ANKRD13C: variants seen among roughly 807,000 people sequenced by gnomAD.
ANKRD13C encodes the protein ankyrin repeat domain 13C.
In ANKRD13C, 16 loss-of-function variants were observed where a neutral mutation model predicts 65.5. The observed-to-expected ratio is 0.24, with a 90% CI of 0.17 to 0.37. The LOEUF (loss-of-function observed/expected upper bound fraction) is 0.37, where lower values mean the gene tolerates loss of function less well. Among genes scored for constraint, ANKRD13C ranks in the 10% least tolerant of loss-of-function variants. The pLI is 1.00. For missense variants in ANKRD13C, 503 were observed against 655.9 expected, an observed-to-expected ratio of 0.77 and a Z score of 2.55; for synonymous variants, 235 against 238.7, an observed-to-expected ratio of 0.98 and a Z score of 0.14.
Position 70,330,190 on chromosome 1 carries a change from T to C in ANKRD13C, c.473-5233A>G, listed in dbSNP as rs538130846. Among the ~76,000 whole-genome samples, 3 of 149,286 alleles carry C rather than the reference T, an allele frequency of 2.0e-5. No individual in the cohort carries two copies. In the East Asian group the frequency reaches 6.5e-4, roughly 33 times the overall value. On this transcript the variant is annotated intron_variant, in intron 2 of 12. Coordinates refer to ENST00000370944, the MANE Select transcript of ANKRD13C (RefSeq NM_030816.5). ...GTAGTTAACAACTAAGCACTAAGGC[T>C]TAAAGAATGCATAAATGTGCCAGGA...
chr1:70,354,695 A>C lies in ANKRD13C; in HGVS notation c.-287T>G. The C allele has an allele frequency of 1.3e-6, 1 of 757,070 alleles. No homozygotes were observed. The highest frequency in any genetic ancestry group is 2.1e-6 in the Non-Finnish European group (1 of 482,618). The allele number at this position is 757,070 out of a possible 1,614,324, so 46.9% of individuals were successfully genotyped here. On this transcript the variant is annotated 5_prime_UTR_variant, in exon 1 of 13. Coordinates refer to ENST00000370944, the MANE Select transcript of ANKRD13C (RefSeq NM_030816.5). ...CGCCGTCGCTGCCTTACACCGAAAA[A>C]CAGGGCACGGCCATCTTCCTCTTGC...
At chr1:70,282,964 CAAGT>C (rs139717788) in intron 9 of ANKRD13C, among the ~76,000 whole-genome samples, 35,333 of 151,828 alleles carry the variant, frequency 0.23, 4,835 homozygotes, top group East Asian at 0.53. Flanking sequence ...ATAACTTTTC[CAAGT>C]AAGTTTCTAC....
chr1:70,321,615 G>A (rs933705275), intron 3 of ANKRD13C, among the ~76,000 whole-genome samples: 13 of 152,088 alleles, frequency 8.5e-5, no homozygotes, highest in African/African-American at 3.1e-4. Context: ...AACCAGAGCT[G>A]TCTCGATCAG....
At position 70,315,510 on chromosome 1, in the gene ANKRD13C, G is replaced by A. The variant is rs1681037354; in HGVS notation, c.634C>T (p.Arg212Ter). 1 of 1,605,284 alleles carries A rather than the reference G, an allele frequency of 6.2e-7. No homozygotes were observed. The highest frequency in any genetic ancestry group is 8.5e-7 in the Non-Finnish European group (1 of 1,174,906). The change falls in exon 4 of 13, where the codon CGA (arginine) becomes TGA (stop). Residue 212 changes from arginine to a stop codon, truncating the protein, a stop_gained. Transcript: ENST00000370944. LOFTEE classifies it high-confidence loss of function. ...TTCAGGGCTTTTAATAATCGAGGTCGTTTTTCTTCAACACTTTCCCTGGAT... is the reference window on the plus strand; with the variant it reads ...TTCAGGGCTTTTAATAATCGAGGTCATTTTTCTTCAACACTTTCCCTGGAT... ...QQSRESVEEK[R>*]PRLLKALKEL...
chr1:70,347,774 A>G (rs937112191), intron 1 of ANKRD13C, among the ~76,000 whole-genome samples: 8 of 152,184 alleles, frequency 5.3e-5, no homozygotes, highest in Non-Finnish European at 8.8e-5. Context: ...CATTCATCTA[A>G]TAATGAAGAT....
chr1:70,281,117 C>T (rs1679368023), intron 9 of ANKRD13C, among the ~76,000 whole-genome samples: 1 of 152,014 alleles, frequency 6.6e-6, no homozygotes, highest in Non-Finnish European at 1.5e-5. Context: ...AAATTTTAGA[C>T]ATCTATGTTT....
intron 6 of ANKRD13C, among the ~76,000 whole-genome samples, chr1:70,302,792 A>G (rs1680432915): frequency 6.6e-6 from 1 of 150,668 alleles, no homozygotes; most frequent in South Asian, 2.1e-4. Flanking sequence ...CCCTATCTCT[A>G]TAAGATGTGG....
At chr1:70,320,766 TA>T (rs1681272900) in intron 3 of ANKRD13C, among the ~76,000 whole-genome samples, 2 of 151,870 alleles carry the variant, frequency 1.3e-5, no homozygotes, top group African/African-American at 4.8e-5. Context: ...TTGTGATAAA[TA>T]AAAGTCCTAC....
chr1:70,309,491 G>C (rs1019271853), intron 5 of ANKRD13C, among the ~76,000 whole-genome samples: 1 of 150,494 alleles, frequency 6.6e-6, no homozygotes, highest in African/African-American at 2.4e-5. Flanking sequence ...GGCCGAGGCG[G>C]GTGGATCACG....
intron 1 of ANKRD13C, among the ~76,000 whole-genome samples, chr1:70,347,521 T>G (rs1427074768): frequency 6.6e-6 from 1 of 152,208 alleles, no homozygotes; most frequent in Non-Finnish European, 1.5e-5. Context: ...CTACCTTTTT[T>G]GCCAAAGCTA....
intron 1 of ANKRD13C, among the ~76,000 whole-genome samples, chr1:70,341,488 A>T (rs949873296): frequency 2.0e-5 from 3 of 151,420 alleles, no homozygotes; most frequent in African/African-American, 7.3e-5. Flanking sequence ...CAGCCTCCCA[A>T]GTAGCTGGGA....
intron 10 of ANKRD13C, among the ~76,000 whole-genome samples, chr1:70,276,176 C>G (rs532569737): frequency 1.3e-5 from 2 of 151,714 alleles, no homozygotes; most frequent in Non-Finnish European, 2.9e-5. Flanking sequence ...AAAAATAAAC[C>G]CTTTCTTTAT....
intron 3 of ANKRD13C, among the ~76,000 whole-genome samples, chr1:70,320,744 A>C (rs905753755): frequency 3.9e-5 from 6 of 151,962 alleles, no homozygotes; most frequent in Non-Finnish European, 7.4e-5. Context: ...AAGTTTTGAA[A>C]ACTCAGGAGA....
chr1:70,298,683 T>C (rs1015205185), intron 7 of ANKRD13C, among the ~76,000 whole-genome samples: 1 of 152,184 alleles, frequency 6.6e-6, no homozygotes, highest in African/African-American at 2.4e-5. Flanking sequence ...CTGTTGTCAT[T>C]TCATAAGTAA....
intron 10 of ANKRD13C, among the ~76,000 whole-genome samples, chr1:70,275,200 A>G (rs1679075734): frequency 6.6e-6 from 1 of 152,240 alleles, no homozygotes; most frequent in African/African-American, 2.4e-5. Context: ...GCATTGATCA[A>G]TAAGAAATAT....
At chr1:70,333,330 A>G (rs1289682287) in intron 2 of ANKRD13C, among the ~76,000 whole-genome samples, 2 of 152,136 alleles carry the variant, frequency 1.3e-5, no homozygotes, top group African/African-American at 2.4e-5. Flanking sequence ...CTTTGAAAAA[A>G]AAAAGCGCAA....
intron 9 of ANKRD13C, 157 bp downstream of exon 9, chr1:70,292,228 CATA>C (rs1377600782): frequency 9.7e-6 from 5 of 516,248 alleles, no homozygotes; most frequent in Admixed American, 4.2e-5. Context: ...TTTTTGTCTT[CATA>C]ATAATGACAT....
intron 11 of ANKRD13C, among the ~76,000 whole-genome samples, chr1:70,274,127 C>G (rs1343112328): frequency 6.6e-6 from 1 of 151,996 alleles, no homozygotes; most frequent in Admixed American, 6.5e-5. Context: ...AATTTCCATA[C>G]TTTTGGATTT....
At chr1:70,353,896 G>T in intron 1 of ANKRD13C, 83 bp downstream of exon 1, 1 of 1,418,904 alleles carries the variant, frequency 7.0e-7, no homozygotes, top group East Asian at 2.5e-5. Flanking sequence ...TCTGCTGGAG[G>T]GGGCCTAGGA....
Sources: allele counts gnomAD v4.1 joint callset (sites outside exome capture counted in the v4.1 genomes callset), GRCh38; gene constraint gnomAD v4.1.1; transcripts MANE v1.5; gene names NCBI Gene and HGNC (gene_info 2026-07-23, HGNC 2026-07-21).